The following GXYLT1 variants were observed in gnomAD, a reference collection of about 807,000 sequenced individuals.
GXYLT1 encodes the protein glycosyltransferase 8 domain containing 3.
Under a neutral mutation model 54.0 loss-of-function variants are expected in GXYLT1, and 29 were observed. That is an observed-to-expected ratio of 0.54 (90% CI 0.40 to 0.73). The LOEUF (loss-of-function observed/expected upper bound fraction) is 0.73, where lower values mean the gene tolerates loss of function less well. GXYLT1 is among the 30% of genes least tolerant of loss of function. The probability of loss-of-function intolerance (pLI) is 0.00; values close to 1 mark genes in which losing one functional copy is unlikely to be tolerated. For synonymous variants in GXYLT1, 176 were observed against 204.1 expected (o/e 0.86, Z 1.17); for missense variants, 490 against 553.4 (o/e 0.89, Z 1.15).
intron 7 of GXYLT1, among the ~76,000 whole-genome samples, chr12:42,097,138 G>C (rs753531090): frequency 5.5e-4 from 84 of 151,772 alleles, no homozygotes; most frequent in Non-Finnish European, 1.1e-3. Flanking sequence ...TATGTACTGT[G>C]GTTAATAAAA....
intron 1 of GXYLT1, among the ~76,000 whole-genome samples, chr12:42,143,963 A>G (rs1280564744): frequency 6.6e-6 from 1 of 152,148 alleles, no homozygotes; most frequent in Admixed American, 6.5e-5. Flanking sequence ...TTAACACAGG[A>G]AAATCAGCAT....
In GXYLT1 at chr12:42,119,162, CA is replaced by C; in HGVS notation, c.323del (p.Leu108ArgfsTer11). 1.2e-6 allele frequency: 2 copies of C among 1,613,680 alleles called. No homozygotes were observed. The highest frequency in any genetic ancestry group is 1.7e-6 in the Non-Finnish European group (2 of 1,179,672). On this transcript the variant is annotated frameshift_variant, in exon 3 of 8. Coordinates refer to ENST00000398675, the MANE Select transcript of GXYLT1 (RefSeq NM_173601.2). LOFTEE classifies it high-confidence loss of function. ...GCATTTTCTCAACAGGCTGTATTTT[CA>C]GACTGTACCTAATAGGAAAGAAAAC... is the stretch of plus-strand genomic sequence containing the variant. ...CFWEAAFRYS[L>X]KIQPVEKMHL...
At chr12:42,130,528 T>C (rs1423487774) in intron 1 of GXYLT1, among the ~76,000 whole-genome samples, 14 of 152,018 alleles carry the variant, frequency 9.2e-5, no homozygotes, top group Non-Finnish European at 1.6e-4. Context: ...GGTAGGAACA[T>C]ACATTACTAC....
chr12:42,082,387 G>A lies in GXYLT1; in HGVS notation c.*5399C>T, dbSNP rs2065259157. On this transcript the variant is annotated 3_prime_UTR_variant, in exon 8 of 8. Transcript: ENST00000398675. ...TATTCTACAGCAATGCTCAAGCCCTGGATTATTTTTGCCTGACAAAAATAA... is the reference window on the plus strand; with the variant it reads ...TATTCTACAGCAATGCTCAAGCCCTAGATTATTTTTGCCTGACAAAAATAA... 1 of 152,208 alleles carries A rather than the reference G, an allele frequency of 6.6e-6. No individual in the cohort carries two copies. The highest frequency in any genetic ancestry group is 1.5e-5 in the Non-Finnish European group (1 of 68,012). 9.4% of individuals were successfully genotyped at this position (152,208 alleles called of 1,614,324 possible).
At chr12:42,096,952 G>A (rs1046321762) in intron 7 of GXYLT1, among the ~76,000 whole-genome samples, 1 of 151,970 alleles carries the variant, frequency 6.6e-6, no homozygotes, top group Non-Finnish European at 1.5e-5. Context: ...GGAAACATTA[G>A]ACAGGCCAAA....
intron 3 of GXYLT1, 54 bp downstream of exon 3, chr12:42,118,946 A>G: frequency 2.4e-6 from 3 of 1,246,210 alleles, no homozygotes; most frequent in Non-Finnish European, 3.4e-6. Flanking sequence ...ATTCTATTAT[A>G]GTATATTATT....
chr12:42,141,292 T>C (rs1408483083), intron 1 of GXYLT1, among the ~76,000 whole-genome samples: 2 of 152,250 alleles, frequency 1.3e-5, no homozygotes, highest in South Asian at 2.1e-4. Flanking sequence ...TTGTCTTTAC[T>C]GGAAAAGACT....
At chr12:42,115,847 G>A (rs2065490960) in intron 3 of GXYLT1, among the ~76,000 whole-genome samples, 2 of 143,578 alleles carry the variant, frequency 1.4e-5, no homozygotes, top group Admixed American at 1.4e-4. Flanking sequence ...AAAGAACAAA[G>A]CTGGAGGCAT....
At chr12:42,133,658 G>C (rs2065604649) in intron 1 of GXYLT1, among the ~76,000 whole-genome samples, 1 of 152,188 alleles carries the variant, frequency 6.6e-6, no homozygotes, top group African/African-American at 2.4e-5. Flanking sequence ...CCTCGTCTCA[G>C]TACCAAATCC....
chr12:42,103,022 C>T (rs1036256327), intron 5 of GXYLT1, among the ~76,000 whole-genome samples: 1 of 151,694 alleles, frequency 6.6e-6, no homozygotes, highest in Non-Finnish European at 1.5e-5. Context: ...GTGCAGTGGC[C>T]CAATATCAGC....
intron 1 of GXYLT1, among the ~76,000 whole-genome samples, chr12:42,135,809 G>A (rs2065616592): frequency 6.6e-6 from 1 of 152,130 alleles, no homozygotes; most frequent in African/African-American, 2.4e-5. Context: ...AGTGCAAGGT[G>A]GGAGTTACTG....
At chr12:42,102,393 G>GT (rs2136885462) in intron 5 of GXYLT1, among the ~76,000 whole-genome samples, 1 of 152,262 alleles carries the variant, frequency 6.6e-6, no homozygotes, top group South Asian at 2.1e-4. Flanking sequence ...TAAAAGCATT[G>GT]TATCTACTTC....
intron 1 of GXYLT1, among the ~76,000 whole-genome samples, chr12:42,131,171 C>T (rs917621243): frequency 3.3e-5 from 5 of 152,076 alleles, no homozygotes; most frequent in African/African-American, 9.7e-5. Context: ...TGTTTTTCAT[C>T]GTGATTTCTT....
At chr12:42,104,627 A>C (rs924424594) in intron 5 of GXYLT1, among the ~76,000 whole-genome samples, 4 of 152,318 alleles carry the variant, frequency 2.6e-5, no homozygotes, top group Admixed American at 6.5e-5. Context: ...TCAGACTTCT[A>C]AGACTGAAGT....
At chr12:42,107,364 G>A (rs908429138) in intron 4 of GXYLT1, among the ~76,000 whole-genome samples, 1 of 152,146 alleles carries the variant, frequency 6.6e-6, no homozygotes, top group Non-Finnish European at 1.5e-5. Context: ...GGCCTGAGTA[G>A]GGAAGGTTCA....
At chr12:42,113,110 C>T (rs1006957603) in intron 3 of GXYLT1, among the ~76,000 whole-genome samples, 8 of 151,026 alleles carry the variant, frequency 5.3e-5, no homozygotes. Flanking sequence ...CAGGCCTGCC[C>T]TAAAAGAGCT....
chr12:42,136,691 T>C (rs2065621111), intron 1 of GXYLT1, among the ~76,000 whole-genome samples: 1 of 152,068 alleles, frequency 6.6e-6, no homozygotes, highest in Admixed American at 6.6e-5. Flanking sequence ...AAAACAACAC[T>C]CGGCATAATA....
intron 4 of GXYLT1, among the ~76,000 whole-genome samples, chr12:42,108,688 A>G (rs1360122598): frequency 2.0e-5 from 3 of 152,158 alleles, no homozygotes; most frequent in Non-Finnish European, 4.4e-5. Flanking sequence ...TTTTTTATCA[A>G]TATTATAACT....
At chr12:42,106,946 C>T (rs971320399) in intron 4 of GXYLT1, among the ~76,000 whole-genome samples, 1 of 151,720 alleles carries the variant, frequency 6.6e-6, no homozygotes, top group Non-Finnish European at 1.5e-5. Flanking sequence ...GGGGTTTCAC[C>T]ATCTTGGCCA....
Sources: gnomAD v4.1 joint callset for allele counts (sites outside exome capture counted in the v4.1 genomes callset) on GRCh38, gnomAD v4.1.1 for gene constraint, MANE v1.5 for transcripts, NCBI Gene and HGNC (gene_info 2026-07-23, HGNC 2026-07-21) for gene names.